Variants in DLG2 observed in about 807,000 individuals in gnomAD.
The protein encoded by DLG2 is disks large homolog 2.
A neutral mutation model predicts 132.5 loss-of-function variants in DLG2; 45 were observed. The ratio of observed to expected loss-of-function variants is 0.34; its 90% CI spans 0.27 to 0.44. The LOEUF is 0.44. Ranked by LOEUF, DLG2 falls within the 20% of genes least tolerant of loss-of-function variation. DLG2 has a pLI of 1.00. For synonymous variants in DLG2, 424 were observed against 419.6 expected, an observed-to-expected ratio of 1.01 and a Z score of -0.13; for missense variants, 1,045 against 1,196.9, an observed-to-expected ratio of 0.87 and a Z score of 1.87.
At chr11:83,884,697 C>A (rs944900492) in intron 15 of DLG2, among the ~76,000 whole-genome samples, 2 of 152,196 alleles carry the variant, frequency 1.3e-5, no homozygotes, top group South Asian at 2.1e-4. Flanking sequence ...AGGCACCCCC[C>A]AGTAGGGGCA....
At chr11:84,036,033 T>C (rs1298893386) in intron 11 of DLG2, among the ~76,000 whole-genome samples, 1 of 152,116 alleles carries the variant, frequency 6.6e-6, no homozygotes, top group African/African-American at 2.4e-5. Context: ...GTCTATTAGA[T>C]CTTTATCACA....
chr11:83,610,822 TAGAA>T (rs1351954507), intron 19 of DLG2, among the ~76,000 whole-genome samples: 1 of 152,156 alleles, frequency 6.6e-6, no homozygotes, highest in Non-Finnish European at 1.5e-5. Context: ...TTATCCACAA[TAGAA>T]AGAGGAGAAA....
intron 6 of DLG2, among the ~76,000 whole-genome samples, chr11:84,921,244 A>G (rs560456572): frequency 3.9e-5 from 6 of 152,244 alleles, no homozygotes; most frequent in African/African-American, 1.4e-4. Flanking sequence ...AAAATTATGA[A>G]TTATCTAAGG....
rs187795710 is a variant in DLG2, at chr11:84,783,782, C to A, written c.358-249051G>T. On this transcript the variant is annotated intron_variant, in intron 6 of 27. Coordinates refer to ENST00000376104, the MANE Select transcript of DLG2 (RefSeq NM_001142699.3). The stretch of plus-strand genomic sequence containing the variant: ...TTTTGATTCCTGTTTCAGAGTTTTT[C>A]CTCCATACATGTTCAACATGTCAAA... 3.3e-3 allele frequency among the ~76,000 whole-genome samples: 496 copies of A among 152,174 alleles called. 2 individuals carry two copies. The highest frequency in any genetic ancestry group is 5.2e-3 in the Non-Finnish European group (355 of 68,000).
At chr11:84,992,026 A>G (rs778353444) in intron 6 of DLG2, among the ~76,000 whole-genome samples, 1 of 151,802 alleles carries the variant, frequency 6.6e-6, no homozygotes, top group Non-Finnish European at 1.5e-5. Context: ...TTTTAAATCC[A>G]TTTTTCTTTC....
intron 6 of DLG2, among the ~76,000 whole-genome samples, chr11:84,801,083 G>C (rs899247338): frequency 6.6e-6 from 1 of 152,156 alleles, no homozygotes; most frequent in Non-Finnish European, 1.5e-5. Context: ...AGGAATAGGA[G>C]TCGATCTTAA....
chr11:83,544,831 G>A (rs950205331), intron 19 of DLG2, among the ~76,000 whole-genome samples: 1 of 152,066 alleles, frequency 6.6e-6, no homozygotes, highest in African/African-American at 2.4e-5. Context: ...ATAAAATGAG[G>A]TGTATCTGAC....
At chr11:83,620,287 C>G (rs2061426994) in intron 19 of DLG2, among the ~76,000 whole-genome samples, 1 of 151,748 alleles carries the variant, frequency 6.6e-6, no homozygotes, top group African/African-American at 2.4e-5. Flanking sequence ...TTTAAACACA[C>G]AAAATTGTAT....
intron 4 of DLG2, among the ~76,000 whole-genome samples, chr11:85,273,622 T>C (rs1032643350): frequency 3.9e-5 from 6 of 152,162 alleles, no homozygotes; most frequent in Non-Finnish European, 8.8e-5. Context: ...CTGGAGAGGA[T>C]GTGGAGAAAT....
At chr11:85,441,484 C>G (rs2091773173) in intron 3 of DLG2, among the ~76,000 whole-genome samples, 1 of 152,134 alleles carries the variant, frequency 6.6e-6, no homozygotes, top group African/African-American at 2.4e-5. Flanking sequence ...TATCTTTCAA[C>G]TGATCACTGT....
At chr11:85,214,246 G>A (rs563778689) in intron 4 of DLG2, among the ~76,000 whole-genome samples, 18 of 152,042 alleles carry the variant, frequency 1.2e-4, no homozygotes, top group East Asian at 9.7e-4. Flanking sequence ...TTTAGCTCTC[G>A]TCTTGATTAT....
chr11:84,916,024 G>A (rs1225045601), intron 6 of DLG2, among the ~76,000 whole-genome samples: 1 of 152,042 alleles, frequency 6.6e-6, no homozygotes, highest in Non-Finnish European at 1.5e-5. Flanking sequence ...CAAATCTAGG[G>A]TAACCTACCT....
At chr11:85,385,380 G>T (rs1030322450) in intron 3 of DLG2, among the ~76,000 whole-genome samples, 1 of 152,038 alleles carries the variant, frequency 6.6e-6, no homozygotes, top group African/African-American at 2.4e-5. Flanking sequence ...TTTTTTGTTT[G>T]TTTTGTTTTT....
intron 11 of DLG2, among the ~76,000 whole-genome samples, chr11:83,984,733 G>C (rs1483587550): frequency 6.6e-6 from 1 of 151,978 alleles, no homozygotes; most frequent in African/African-American, 2.4e-5. Flanking sequence ...AATGTAAATA[G>C]GGTGCACATG....
At position 84,376,219 on chromosome 11, in the gene DLG2, T is replaced by C. The variant is rs139147141; in HGVS notation, c.520-124928A>G. Among the ~76,000 whole-genome samples the C allele has an allele frequency of 2.5e-3, 382 of 152,086 alleles. 14 individuals are homozygous for C. The East Asian group carries it at 0.063, about 25-fold the overall frequency. The stretch of plus-strand genomic sequence containing the variant: ...TCTTAATTTTTATTATTAGCATGAC[T>C]TAAAAACACAAATCACTATTTGACA... On this transcript the variant is annotated intron_variant, in intron 7 of 27. Transcript: ENST00000376104.
intron 19 of DLG2, 85 bp downstream of exon 19, chr11:83,633,126 T>C (rs2063858819): frequency 8.3e-7 from 1 of 1,210,306 alleles, no homozygotes; most frequent in African/African-American, 1.5e-5. Flanking sequence ...GTGGGACACA[T>C]GTTCTGTTGC....
intron 6 of DLG2, among the ~76,000 whole-genome samples, chr11:84,853,606 G>T (rs2082409698): frequency 6.6e-6 from 1 of 151,894 alleles, no homozygotes; most frequent in Non-Finnish European, 1.5e-5. Context: ...ACTGTGCTAG[G>T]TCTTAGGAAT....
intron 4 of DLG2, among the ~76,000 whole-genome samples, chr11:85,176,872 G>A (rs1419855439): frequency 6.6e-6 from 1 of 152,114 alleles, no homozygotes; most frequent in Non-Finnish European, 1.5e-5. Context: ...CAACATCACT[G>A]ATCATTAAAG....
chr11:84,875,926 C>A (rs950957675), intron 6 of DLG2, among the ~76,000 whole-genome samples: 1 of 152,014 alleles, frequency 6.6e-6, no homozygotes, highest in African/African-American at 2.4e-5. Flanking sequence ...TTAGTAGAGA[C>A]GGGGTTTCAC....
Sources: allele counts gnomAD v4.1 joint callset (sites outside exome capture counted in the v4.1 genomes callset), GRCh38; gene constraint gnomAD v4.1.1; transcripts MANE v1.5; gene names NCBI Gene and HGNC (gene_info 2026-07-23, HGNC 2026-07-21).